ASTN2: variants seen among roughly 807,000 people sequenced by gnomAD.
ASTN2 encodes astrotactin-2.
A neutral mutation model predicts 139.8 loss-of-function variants in ASTN2; 54 were observed. The observed-to-expected ratio is 0.39, with a 90% CI of 0.31 to 0.48. The LOEUF is 0.48. Ranked by LOEUF, ASTN2 falls within the 20% of genes least tolerant of loss-of-function variation. ASTN2 has a pLI of 0.95. For synonymous variants in ASTN2, 756 were observed against 719.5 expected (o/e 1.05, Z -0.81); for missense variants, 1,565 against 1,725.1 (o/e 0.91, Z 1.64).
At chr9:116,632,122 AAAAAGAAG>A (rs1856772937) in intron 17 of ASTN2, among the ~76,000 whole-genome samples, 1 of 116,074 alleles carries the variant, frequency 8.6e-6, no homozygotes, top group Non-Finnish European at 1.8e-5. Flanking sequence ...AAAGAAAAAG[AAAAAGAAG>A]AGAGAGAGAG....
chr9:116,444,334 C>T (rs1847924719), intron 20 of ASTN2, among the ~76,000 whole-genome samples: 1 of 152,178 alleles, frequency 6.6e-6, no homozygotes, highest in South Asian at 2.1e-4. Flanking sequence ...AGTGCCATCT[C>T]ATAAGTTTTT....
At chr9:116,853,827 T>C (rs1330243546) in intron 11 of ASTN2, among the ~76,000 whole-genome samples, 1 of 152,160 alleles carries the variant, frequency 6.6e-6, no homozygotes, top group East Asian at 1.9e-4. Flanking sequence ...TACAGACTTC[T>C]GGGAATCTCT....
chr9:117,299,754 T>C (rs1350144496), intron 1 of ASTN2, among the ~76,000 whole-genome samples: 1 of 152,174 alleles, frequency 6.6e-6, no homozygotes, highest in Non-Finnish European at 1.5e-5. Flanking sequence ...AAGCTCTCCA[T>C]ATATCATGAA....
intron 5 of ASTN2, among the ~76,000 whole-genome samples, chr9:117,094,995 T>C (rs1351802752): frequency 6.6e-6 from 1 of 152,194 alleles, no homozygotes; most frequent in Non-Finnish European, 1.5e-5. Context: ...ATAGAATGCA[T>C]GCAGCATGGT....
At chr9:116,614,214 A>G (rs565624987) in intron 19 of ASTN2, among the ~76,000 whole-genome samples, 5 of 152,322 alleles carry the variant, frequency 3.3e-5, no homozygotes, top group African/African-American at 1.2e-4. Flanking sequence ...TGCTCAACAA[A>G]ATAAAAGAGG....
chr9:116,741,527 G>T (rs1038119044), intron 13 of ASTN2, among the ~76,000 whole-genome samples: 1 of 152,182 alleles, frequency 6.6e-6, no homozygotes, highest in African/African-American at 2.4e-5. Context: ...CAAGTGACAG[G>T]ATGACTTTGG....
At chr9:117,202,191 G>C (rs1388478607) in intron 3 of ASTN2, among the ~76,000 whole-genome samples, 1 of 151,936 alleles carries the variant, frequency 6.6e-6, no homozygotes, top group Non-Finnish European at 1.5e-5. Context: ...CCATTTGCTT[G>C]GTAAATCTTC....
At chr9:116,556,690 C>A (rs1375848658) in intron 19 of ASTN2, among the ~76,000 whole-genome samples, 1 of 152,162 alleles carries the variant, frequency 6.6e-6, no homozygotes, top group East Asian at 1.9e-4. Flanking sequence ...CTTTCTAAGA[C>A]TTTAGTGACC....
intron 19 of ASTN2, among the ~76,000 whole-genome samples, chr9:116,528,205 C>T (rs1332130167): frequency 6.6e-6 from 1 of 152,086 alleles, no homozygotes; most frequent in African/African-American, 2.4e-5. Context: ...CAAGGAAGTC[C>T]AGGTTGAGGT....
At chr9:117,050,328 G>T (rs889899365) in intron 5 of ASTN2, among the ~76,000 whole-genome samples, 1 of 152,146 alleles carries the variant, frequency 6.6e-6, no homozygotes, top group East Asian at 1.9e-4. Context: ...GAAGATGTCA[G>T]TGGACTTTGG....
chr9:116,639,586 G>A (rs928934306), intron 17 of ASTN2, among the ~76,000 whole-genome samples: 1 of 152,186 alleles, frequency 6.6e-6, no homozygotes, highest in Admixed American at 6.5e-5. Context: ...AGCTCCAAAA[G>A]GGATGGAGCC....
intron 11 of ASTN2, among the ~76,000 whole-genome samples, chr9:116,847,231 T>G (rs1344628160): frequency 6.6e-6 from 1 of 152,132 alleles, no homozygotes; most frequent in Non-Finnish European, 1.5e-5. Context: ...TTCTCCTGCC[T>G]CAGCCTCCCA....
At chr9:117,147,453 ACACACACACACC>A (rs1018971470) in intron 3 of ASTN2, among the ~76,000 whole-genome samples, 4 of 151,032 alleles carry the variant, frequency 2.6e-5, no homozygotes, top group Non-Finnish European at 5.9e-5. Flanking sequence ...ACACACACAC[ACACACACACACC>A]CCCGTTATCC....
intron 4 of ASTN2, among the ~76,000 whole-genome samples, chr9:117,135,040 G>A (rs543423180): frequency 5.3e-5 from 8 of 152,262 alleles, no homozygotes; most frequent in African/African-American, 1.9e-4. Flanking sequence ...CATAGCTCCT[G>A]AACACCCTCA....
At chr9:117,068,468 T>C (rs924402930) in intron 5 of ASTN2, among the ~76,000 whole-genome samples, 1 of 106,958 alleles carries the variant, frequency 9.3e-6, no homozygotes, top group African/African-American at 3.8e-5. Context: ...TCGAAAATTC[T>C]CTTTTTTGGT....
intron 5 of ASTN2, among the ~76,000 whole-genome samples, chr9:117,047,456 T>C (rs1419768399): frequency 6.6e-6 from 1 of 152,194 alleles, no homozygotes; most frequent in Non-Finnish European, 1.5e-5. Context: ...ATTTCCCCAA[T>C]ATCTTATCAT....
chr9:116,970,338 C>T lies in ASTN2; in HGVS notation c.1889+4870G>A, dbSNP rs1015957959. Among the ~76,000 whole-genome samples the T allele has an allele frequency of 3.9e-5, 6 of 152,128 alleles. No homozygotes were observed. The South Asian group carries it at 8.3e-4, about 21-fold the overall frequency. On this transcript the variant is annotated intron_variant, in intron 10 of 22. Coordinates refer to ENST00000313400, the MANE Select transcript of ASTN2 (RefSeq NM_001365068.1). ...ATTTCTAATAAGTTTCTAGGTCATG[C>T]GAATGCTACTGGTCCAGGGAATACA...
At chr9:116,728,359 A>G (rs1165580217) in intron 15 of ASTN2, among the ~76,000 whole-genome samples, 1 of 152,050 alleles carries the variant, frequency 6.6e-6, no homozygotes, top group Non-Finnish European at 1.5e-5. Context: ...GGGAGGCATC[A>G]CAGAGTAATA....
At chr9:116,754,548 G>A (rs1169934883) in intron 13 of ASTN2, among the ~76,000 whole-genome samples, 1 of 152,058 alleles carries the variant, frequency 6.6e-6, no homozygotes, top group East Asian at 1.9e-4. Context: ...ATGTTATATT[G>A]GAATACAGCC....
Sources: allele counts gnomAD v4.1 joint callset (sites outside exome capture counted in the v4.1 genomes callset), GRCh38; gene constraint gnomAD v4.1.1; transcripts MANE v1.5; gene names NCBI Gene and HGNC (gene_info 2026-07-23, HGNC 2026-07-21).